DAB2IP: variants seen among roughly 807,000 people sequenced by gnomAD.
DAB2IP encodes disabled homolog 2-interacting protein.
DAB2IP carries 28 observed loss-of-function variants against 107.2 expected under a neutral mutation model. The ratio of observed to expected loss-of-function variants is 0.26; its 90% confidence interval spans 0.19 to 0.36. DAB2IP has a LOEUF of 0.36. Among genes scored for constraint, DAB2IP ranks in the 10% least tolerant of loss-of-function variants. The pLI is 1.00. For missense variants in DAB2IP, 1,400 were observed against 1,644.7 expected (o/e 0.85, Z 2.57); for synonymous variants, 755 against 706.4 (o/e 1.07, Z -1.09).
In DAB2IP at chr9:121,782,626, C is replaced by T. The variant is rs1436483110; in HGVS notation, c.*128C>T. ...GGTGTCAGGAGGCCGAGCCTCCCCT[C>T]CCTGCCGCTGTCCAGGAGGCGGCCG... On this transcript the variant is annotated 3_prime_UTR_variant, in exon 16 of 16. Transcript: ENST00000408936. The surrounding 1 kb of genome is among the most constrained non-coding windows in gnomAD (Gnocchi z 6.1). 4 of 1,504,404 alleles carry T rather than the reference C, an allele frequency of 2.7e-6. No homozygotes were observed. The Admixed American group carries it at 8.5e-5, about 32-fold the overall frequency. 93.2% of individuals were successfully genotyped at this position (1,504,404 alleles called of 1,614,324 possible).
intron 3 of DAB2IP, among the ~76,000 whole-genome samples, chr9:121,746,974 A>T (rs1246658238): frequency 6.6e-6 from 1 of 152,132 alleles, no homozygotes; most frequent in East Asian, 1.9e-4. Context: ...GAGGGAACGC[A>T]TGGGTCAGGG....
At chr9:121,615,309 C>G (rs1485926618) in intron 1 of DAB2IP, among the ~76,000 whole-genome samples, 3 of 152,222 alleles carry the variant, frequency 2.0e-5, no homozygotes, top group Non-Finnish European at 4.4e-5. Context: ...AAGAAACCTG[C>G]TGAGATTTGT....
At chr9:121,779,945 C>T (rs1835481060) in intron 14 of DAB2IP, among the ~76,000 whole-genome samples, 2 of 152,230 alleles carry the variant, frequency 1.3e-5, no homozygotes, top group Admixed American at 6.5e-5. Flanking sequence ...CTCCGCCTTC[C>T]CTCTGCTTCC....
In DAB2IP at chr9:121,661,213, G is replaced by A. The variant is rs1169553219; in HGVS notation, c.124+9314G>A. On this transcript the variant is annotated intron_variant, in intron 1 of 15. Transcript: ENST00000408936. ...TCAGGGAGCAGCTTCAGGAGAAGGC[G>A]AGAAAGGTGCTGGAGCCTGCAGGGG... is the stretch of plus-strand genomic sequence containing the variant. Among the ~76,000 whole-genome samples, 3 of 152,100 alleles carry A rather than the reference G, an allele frequency of 2.0e-5. No individual in the cohort carries two copies. The East Asian group carries it at 5.8e-4, about 29-fold the overall frequency.
At chr9:121,593,142 G>A (rs1276542974) in intron 1 of DAB2IP, among the ~76,000 whole-genome samples, 1 of 151,874 alleles carries the variant, frequency 6.6e-6, no homozygotes, top group Non-Finnish European at 1.5e-5. Flanking sequence ...GGAGTGCAAC[G>A]GCATGATCAT....
intron 1 of DAB2IP, among the ~76,000 whole-genome samples, chr9:121,675,932 G>T (rs1162816138): frequency 6.6e-6 from 1 of 152,184 alleles, no homozygotes; most frequent in African/African-American, 2.4e-5. Context: ...AGAAAGAGTG[G>T]TTATCCCCTG....
intron 4 of DAB2IP, 23 bp from the exon 5 acceptor site, chr9:121,758,875 A>C: frequency 6.2e-7 from 1 of 1,607,934 alleles, no homozygotes; most frequent in Non-Finnish European, 8.5e-7. Context: ...CCCTCATAAC[A>C]CTGTCTTGCC....
intron 1 of DAB2IP, among the ~76,000 whole-genome samples, chr9:121,610,828 C>T (rs530980923): frequency 1.3e-5 from 2 of 152,142 alleles, no homozygotes; most frequent in Non-Finnish European, 2.9e-5. Context: ...GACCGCCAGT[C>T]CTGGGCCCAT....
In DAB2IP at chr9:121,763,812, C is replaced by T. The variant is rs769633331; in HGVS notation, c.1393C>T (p.Pro465Ser). The change falls in exon 8 of 16, where the codon CCA becomes TCA. Residue 465 changes from proline to serine, a missense_variant. Around this residue, in one of 3 missense-constraint regions of DAB2IP, gnomAD observed 517 missense variants for 748.6 expected, o/e 0.69. Transcript: ENST00000408936. The stretch of plus-strand genomic sequence containing the variant: ...CAGCAAGTGCTCGGCCGCTGACCTC[C>T]CAGAGCACCAGGGCAACCTCAAGAT... The T allele has an allele frequency of 2.4e-5, 38 of 1,614,016 alleles. No individual in the cohort carries two copies. The highest frequency in any genetic ancestry group is 2.2e-4 in the South Asian group (20 of 91,088).
At chr9:121,585,429 G>A (rs1319014981) in intron 1 of DAB2IP, among the ~76,000 whole-genome samples, 1 of 152,152 alleles carries the variant, frequency 6.6e-6, no homozygotes. Flanking sequence ...TCCCTCACAG[G>A]ATGTAATGAG....
At chr9:121,731,109 CTTCTGG>C (rs1831510670) in intron 3 of DAB2IP, among the ~76,000 whole-genome samples, 1 of 152,350 alleles carries the variant, frequency 6.6e-6, no homozygotes, top group South Asian at 2.1e-4. Context: ...TTCACCACAT[CTTCTGG>C]GCCTACAGCC....
intron 3 of DAB2IP, among the ~76,000 whole-genome samples, chr9:121,744,720 C>A (rs933341022): frequency 3.3e-5 from 5 of 152,192 alleles, no homozygotes; most frequent in Admixed American, 3.3e-4. Context: ...GTGTCCTGTT[C>A]CACCCTTGTG....
intron 3 of DAB2IP, among the ~76,000 whole-genome samples, chr9:121,735,203 G>T (rs1297928055): frequency 3.3e-5 from 5 of 152,184 alleles, no homozygotes; most frequent in Non-Finnish European, 7.3e-5. Context: ...GTAGCTCTTG[G>T]GGCTTTGGTG....
In DAB2IP at chr9:121,760,242, G is replaced by C. The variant is rs779435386; in HGVS notation, c.973G>C (p.Gly325Arg). The C allele has an allele frequency of 6.2e-7, 1 of 1,613,836 alleles. No individual in the cohort carries two copies. Among genetic ancestry groups the C allele is most frequent in the South Asian group, 1.1e-5 (1 of 91,090 alleles). ...CAACCCCAAGGGCGGCAAGGGCCCT[G>C]GACCCATGATCCGCATCAAGGCGCG... The change falls in exon 6 of 16, where the codon GGA (glycine) becomes CGA (arginine). Residue 325 changes from glycine to arginine, a missense_variant. Coordinates refer to ENST00000408936, the Ensembl canonical transcript of DAB2IP. The surrounding 1 kb of genome is among the most constrained non-coding windows in gnomAD (Gnocchi z 5.9).
chr9:121,760,266 C>T lies in DAB2IP; in HGVS notation c.997C>T (p.Arg333Cys), dbSNP rs747142859. The T allele has an allele frequency of 1.2e-5, 20 of 1,613,764 alleles. No homozygotes were observed. The Admixed American group carries it at 1.8e-4, about 15-fold the overall frequency. ...TGGACCCATGATCCGCATCAAGGCG[C>T]GCTACCAAACCATCACCATCCTGCC... Residue 333 changes from arginine (R) to cysteine (C), a missense_variant, in exon 6 of 16, where the codon CGC becomes TGC. Physicochemically the swap from Arg to Cys is radical, Grantham distance 180. Transcript: ENST00000408936. The surrounding 1 kb of genome is among the most constrained non-coding windows in gnomAD (Gnocchi z 5.9).
chr9:121,647,404 A>T (rs1338143709), upstream of DAB2IP, among the ~76,000 whole-genome samples: 2 of 152,150 alleles, frequency 1.3e-5, no homozygotes, highest in Admixed American at 1.3e-4. Flanking sequence ...ACTGACTTCA[A>T]CCCTGACACC....
intron 3 of DAB2IP, among the ~76,000 whole-genome samples, chr9:121,737,007 C>T (rs1285409839): frequency 1.3e-5 from 2 of 152,112 alleles, no homozygotes; most frequent in Non-Finnish European, 2.9e-5. Flanking sequence ...CTTCCTGGGA[C>T]GGGACTTTGG....
At chr9:121,594,136 ATGTTGGC>A (rs573481993) in intron 1 of DAB2IP, among the ~76,000 whole-genome samples, 41 of 152,184 alleles carry the variant, frequency 2.7e-4, no homozygotes, top group African/African-American at 9.6e-4. Context: ...TCTCTAGTCA[ATGTTGGC>A]TGTGTAAACC....
rs767409230 is a variant in DAB2IP, at chr9:121,772,638, A to G, written c.2110A>G (p.Thr704Ala). The G allele has an allele frequency of 1.2e-6, 2 of 1,613,682 alleles. No homozygotes were observed. Among genetic ancestry groups the G allele is most frequent in the South Asian group, 1.1e-5 (1 of 91,032 alleles). Residue 704 changes from threonine (T) to alanine (A), a missense_variant, in exon 12 of 16, where the codon ACC becomes GCC. Thr to Ala is a moderately conservative substitution (Grantham distance 58). Coordinates refer to ENST00000408936, the Ensembl canonical transcript of DAB2IP. This position sits in a 1 kb window ranked among gnomAD's most constrained non-coding sequence, Gnocchi z 4.7. Reference sequence around the variant, plus strand: ...AGATTTCACCCGGTTACCGTCTCCAACCCCCGAAAACAAGGACTTGTTTTT... The same window carrying G: ...AGATTTCACCCGGTTACCGTCTCCAGCCCCCGAAAACAAGGACTTGTTTTT...
Sources: gnomAD v4.1 joint callset for allele counts (sites outside exome capture counted in the v4.1 genomes callset) on GRCh38, gnomAD v4.1.1 for gene constraint, gnomAD v4.1.1 regional missense constraint, Gnocchi (gnomAD v3.1) non-coding constraint, MANE v1.5 for transcripts, NCBI Gene and HGNC (gene_info 2026-07-23, HGNC 2026-07-21) for gene names.